The following SLC4A10 variants were observed in gnomAD, a reference collection of about 807,000 sequenced individuals.
SLC4A10 encodes the protein sodium-driven chloride bicarbonate exchanger.
A neutral mutation model predicts 137.7 loss-of-function variants in SLC4A10; 42 were observed. The ratio of observed to expected loss-of-function variants is 0.30; its 90% CI spans 0.24 to 0.39. The LOEUF (loss-of-function observed/expected upper bound fraction) is 0.39, where lower values mean the gene tolerates loss of function less well. Ranked by LOEUF, SLC4A10 falls within the 10% of genes least tolerant of loss-of-function variation. SLC4A10 has a pLI of 1.00. For missense variants in SLC4A10, 925 were observed against 1,355.0 expected, an observed-to-expected ratio of 0.68 and a Z score of 4.98; for synonymous variants, 474 against 464.1, an observed-to-expected ratio of 1.02 and a Z score of -0.27.
At chr2:161,809,097 G>A (rs1340426137) in intron 3 of SLC4A10, among the ~76,000 whole-genome samples, 1 of 151,990 alleles carries the variant, frequency 6.6e-6, no homozygotes, top group East Asian at 1.9e-4. Flanking sequence ...ACTTTTTAAT[G>A]TTCACCATTC....
At chr2:161,718,267 G>A (rs775929566) in intron 1 of SLC4A10, among the ~76,000 whole-genome samples, 16 of 151,822 alleles carry the variant, frequency 1.1e-4, no homozygotes, top group Admixed American at 7.2e-4. Flanking sequence ...TTGATTTTTT[G>A]AAGGGTTTTT....
chr2:161,911,460 T>C lies in SLC4A10; in HGVS notation c.1997+5573T>C, dbSNP rs532661646. 1.7e-4 allele frequency among the ~76,000 whole-genome samples: 26 copies of C among 151,948 alleles called. 1 individual carries two copies. The South Asian group carries it at 4.6e-3, about 27-fold the overall frequency. Reference sequence around the variant, plus strand: ...TGGGGAGAAACAAGATGAAACAGAGTAATCATACTGCATAAACCTTTTAGT... The same window carrying C: ...TGGGGAGAAACAAGATGAAACAGAGCAATCATACTGCATAAACCTTTTAGT... On this transcript the variant is annotated intron_variant, in intron 15 of 26. Transcript: ENST00000446997.
At chr2:161,896,885 A>G (rs2063564059) in intron 11 of SLC4A10, among the ~76,000 whole-genome samples, 1 of 152,100 alleles carries the variant, frequency 6.6e-6, no homozygotes. Flanking sequence ...ATATTATCCA[A>G]GAGGAATATT....
chr2:161,782,769 G>A lies in SLC4A10; in HGVS notation c.130+11715G>A, dbSNP rs111481408. On this transcript the variant is annotated intron_variant, in intron 2 of 26. Coordinates refer to ENST00000446997, the MANE Select transcript of SLC4A10 (RefSeq NM_001178015.2). ...TAAAGAAAGAATCAGTGAACTTAAG[G>A]ACAGGCCATTGGAACTTGCTGAGTC... Among the ~76,000 whole-genome samples, 1,394 of 145,966 alleles carry A rather than the reference G, an allele frequency of 9.6e-3. 15 individuals are homozygous for A. The highest frequency in any genetic ancestry group is 0.031 in the Middle Eastern group (9 of 292).
intron 20 of SLC4A10, among the ~76,000 whole-genome samples, chr2:161,958,098 A>G (rs1695984177): frequency 7.8e-6 from 1 of 127,616 alleles, no homozygotes. Context: ...TGTTAGCTTC[A>G]TTTTTAATCC....
intron 1 of SLC4A10, among the ~76,000 whole-genome samples, chr2:161,763,647 C>A (rs1390524161): frequency 2.0e-5 from 3 of 152,066 alleles, no homozygotes; most frequent in African/African-American, 7.2e-5. Context: ...AGGAATGCAG[C>A]CACTGCCATA....
chr2:161,946,286 A>C (rs78252466), intron 16 of SLC4A10, among the ~76,000 whole-genome samples: 1 of 151,992 alleles, frequency 6.6e-6, no homozygotes, highest in Non-Finnish European at 1.5e-5. Flanking sequence ...TATTAACTAT[A>C]TTTCTCAAGA....
At chr2:161,690,386 T>C (rs981401108) in intron 1 of SLC4A10, among the ~76,000 whole-genome samples, 1 of 152,112 alleles carries the variant, frequency 6.6e-6, no homozygotes, top group African/African-American at 2.4e-5. Flanking sequence ...GACAGTGTGG[T>C]GATTCCTTAA....
At chr2:161,919,383 C>A (rs947814642) in intron 15 of SLC4A10, among the ~76,000 whole-genome samples, 4 of 152,150 alleles carry the variant, frequency 2.6e-5, no homozygotes, top group African/African-American at 9.7e-5. Context: ...GCTGCCAGTT[C>A]TGCAGACTGG....
intron 2 of SLC4A10, among the ~76,000 whole-genome samples, chr2:161,799,443 T>C (rs1278876274): frequency 6.6e-6 from 1 of 151,928 alleles, no homozygotes; most frequent in South Asian, 2.1e-4. Flanking sequence ...TACTATTCTT[T>C]ACAGGACCTG....
In SLC4A10 at chr2:161,957,845, G is replaced by A. The variant is rs144936740; in HGVS notation, c.2793+605G>A. On this transcript the variant is annotated intron_variant, in intron 20 of 26. Coordinates refer to ENST00000446997, the MANE Select transcript of SLC4A10 (RefSeq NM_001178015.2). The stretch of plus-strand genomic sequence containing the variant: ...GATATTTCCAAGGTGTGTCAATTGC[G>A]CTATAAATTACAACACATTTTATTT... Among the ~76,000 whole-genome samples, 1,178 of 151,870 alleles carry A rather than the reference G, an allele frequency of 7.8e-3. 4 individuals carry two copies. Among genetic ancestry groups the A allele is most frequent in the Non-Finnish European group, 8.8e-3 (595 of 67,936 alleles).
At chr2:161,919,948 C>T (rs1041826903) in intron 15 of SLC4A10, among the ~76,000 whole-genome samples, 15 of 152,174 alleles carry the variant, frequency 9.9e-5, no homozygotes, top group Non-Finnish European at 1.9e-4. Flanking sequence ...CACCACGTTC[C>T]CCAGAGCCTG....
intron 26 of SLC4A10, among the ~76,000 whole-genome samples, chr2:161,982,786 T>A (rs1490769499): frequency 6.6e-6 from 1 of 152,196 alleles, no homozygotes; most frequent in East Asian, 1.9e-4. Flanking sequence ...AAATGCCTCC[T>A]GCGACATCTT....
intron 3 of SLC4A10, 90 bp from the exon 4 acceptor site, chr2:161,839,699 G>A: frequency 4.9e-6 from 7 of 1,438,298 alleles, no homozygotes; most frequent in Non-Finnish European, 6.7e-6. Context: ...GTGCGAGCTT[G>A]GGGTGGTGCT....
intron 2 of SLC4A10, among the ~76,000 whole-genome samples, chr2:161,800,963 G>T (rs1398079974): frequency 6.6e-6 from 1 of 152,034 alleles, no homozygotes; most frequent in Non-Finnish European, 1.5e-5. Context: ...TTGTAGGGGA[G>T]GCATTGTCCT....
intron 1 of SLC4A10, among the ~76,000 whole-genome samples, chr2:161,701,698 A>G (rs997076949): frequency 2.0e-5 from 3 of 151,834 alleles, no homozygotes; most frequent in African/African-American, 7.2e-5. Flanking sequence ...TTATTTTTGT[A>G]CCTATTAACC....
At chr2:161,637,366 T>A (rs893498956) in intron 1 of SLC4A10, among the ~76,000 whole-genome samples, 2 of 151,526 alleles carry the variant, frequency 1.3e-5, no homozygotes, top group African/African-American at 2.4e-5. Context: ...TCCCAGTAAT[T>A]TTTTTTGTAT....
rs145658782 is a variant in SLC4A10 at position 161,979,443 on chromosome 2, C to T, written c.*26+1683C>T. ...TATTCTTTAAATGTACTTTCACTGA[C>T]GTGAGGTTCAGACTATTGTGGAATG... On this transcript the variant is annotated intron_variant, in intron 26 of 26. Coordinates refer to ENST00000446997, the MANE Select transcript of SLC4A10 (RefSeq NM_001178015.2). Among the ~76,000 whole-genome samples, 130 of 152,280 alleles carry T rather than the reference C, an allele frequency of 8.5e-4. 1 individual carries two copies. Among genetic ancestry groups the T allele is most frequent in the African/African-American group, 3.0e-3 (126 of 41,546 alleles).
chr2:161,672,188 T>C (rs1181421193), intron 1 of SLC4A10, among the ~76,000 whole-genome samples: 1 of 152,178 alleles, frequency 6.6e-6, no homozygotes, highest in Non-Finnish European at 1.5e-5. Context: ...TGGTCTAAAC[T>C]GTTTAAGCAT....
Sources: allele counts gnomAD v4.1 joint callset (sites outside exome capture counted in the v4.1 genomes callset), GRCh38; gene constraint gnomAD v4.1.1; transcripts MANE v1.5; gene names NCBI Gene and HGNC (gene_info 2026-07-23, HGNC 2026-07-21).